The following GPM6A variants were observed in gnomAD, a reference collection of about 807,000 sequenced individuals.
GPM6A encodes glycoprotein M6A.
Under a neutral mutation model 32.1 loss-of-function variants are expected in GPM6A, and 7 were observed. The observed-to-expected ratio is 0.22, with a 90% CI of 0.12 to 0.41. GPM6A has a LOEUF of 0.41. GPM6A is among the 10% of genes least tolerant of loss of function. The pLI, the probability that GPM6A is intolerant of heterozygous loss-of-function variation, is 1.00. For missense variants in GPM6A, 235 were observed against 347.2 expected (o/e 0.68, Z 2.57); for synonymous variants, 130 against 123.4 (o/e 1.05, Z -0.35).
At chr4:175,787,406 T>G in intron 1 of GPM6A, 1 of 1,534,814 alleles carries the variant, frequency 6.5e-7, no homozygotes, top group Non-Finnish European at 8.7e-7. Flanking sequence ...TTCCCTTGAT[T>G]CAAGGGCATA....
At chr4:175,738,875 A>T (rs577700338) in intron 1 of GPM6A, among the ~76,000 whole-genome samples, 2 of 152,172 alleles carry the variant, frequency 1.3e-5, no homozygotes, top group Non-Finnish European at 2.9e-5. Context: ...TATTTGCTTG[A>T]GATATACAAA....
intron 1 of GPM6A, among the ~76,000 whole-genome samples, chr4:175,860,736 T>C (rs1736549557): frequency 6.6e-6 from 1 of 152,178 alleles, no homozygotes; most frequent in Non-Finnish European, 1.5e-5. Flanking sequence ...CATCACTTCA[T>C]GGCCTCTTCC....
intron 2 of GPM6A, among the ~76,000 whole-genome samples, chr4:175,693,298 A>C (rs1003381800): frequency 1.6e-4 from 24 of 148,262 alleles, no homozygotes; most frequent in African/African-American, 5.6e-4. Context: ...ACATATATAT[A>C]TAAAATATAC....
intron 1 of GPM6A, among the ~76,000 whole-genome samples, chr4:175,798,423 CA>C (rs1337953423): frequency 6.6e-6 from 1 of 152,142 alleles, no homozygotes; most frequent in East Asian, 1.9e-4. Context: ...TTATTCAAGA[CA>C]AATAAATATT....
At chr4:175,718,143 T>C (rs1745935527) in intron 1 of GPM6A, among the ~76,000 whole-genome samples, 1 of 152,208 alleles carries the variant, frequency 6.6e-6, no homozygotes, top group Non-Finnish European at 1.5e-5. Flanking sequence ...ATAAAATTAG[T>C]GTTTATATGT....
chr4:175,983,874 C>T (rs547294674), intron 1 of GPM6A, among the ~76,000 whole-genome samples: 7 of 152,180 alleles, frequency 4.6e-5, no homozygotes, highest in Admixed American at 6.5e-5. Context: ...CCTTAAATGG[C>T]GGGTCAGACT....
At chr4:175,940,674 T>A (rs549152150) in intron 1 of GPM6A, among the ~76,000 whole-genome samples, 1 of 152,154 alleles carries the variant, frequency 6.6e-6, no homozygotes, top group African/African-American at 2.4e-5. Context: ...AGTGGTGCGA[T>A]CTCGGCTCAC....
chr4:175,637,707 ATATATAT>A (rs1740858743), intron 6 of GPM6A, among the ~76,000 whole-genome samples: 1 of 59,036 alleles, frequency 1.7e-5, no homozygotes, highest in Non-Finnish European at 2.6e-5. Flanking sequence ...ATTATATATT[ATATATAT>A]TTATATATAA....
At chr4:175,983,005 TG>T (rs1026735632) in intron 1 of GPM6A, among the ~76,000 whole-genome samples, 1 of 152,210 alleles carries the variant, frequency 6.6e-6, no homozygotes, top group Non-Finnish European at 1.5e-5. Flanking sequence ...TTTCATTTTT[TG>T]TGGGAGTCAT....
chr4:175,654,651 GCT>G (rs34266718), intron 3 of GPM6A, among the ~76,000 whole-genome samples: 22,422 of 151,962 alleles, frequency 0.15, 1,939 homozygotes, highest in Non-Finnish European at 0.19. Context: ...TTCAAAATGA[GCT>G]CTCTCTCTAG....
At chr4:175,874,983 A>G (rs1737036982) in intron 1 of GPM6A, among the ~76,000 whole-genome samples, 1 of 152,176 alleles carries the variant, frequency 6.6e-6, no homozygotes, top group East Asian at 1.9e-4. Context: ...GTGTGTGTGT[A>G]TACTGCAACA....
At chr4:175,805,714 C>A (rs1314066679) in intron 1 of GPM6A, among the ~76,000 whole-genome samples, 2 of 152,152 alleles carry the variant, frequency 1.3e-5, no homozygotes, top group Non-Finnish European at 2.9e-5. Context: ...GTTGACATCT[C>A]TTAATACACA....
chr4:175,869,384 C>T (rs115407782), intron 1 of GPM6A, among the ~76,000 whole-genome samples: 347 of 151,944 alleles, frequency 2.3e-3, no homozygotes, highest in African/African-American at 8.0e-3. Context: ...ATAGGACACA[C>T]AAAATAAAAA....
intron 1 of GPM6A, among the ~76,000 whole-genome samples, chr4:175,796,187 C>G (rs1308015020): frequency 1.3e-5 from 2 of 152,074 alleles, no homozygotes; most frequent in Non-Finnish European, 2.9e-5. Flanking sequence ...AGAAGAATGG[C>G]TAGCAACTAG....
chr4:175,990,731 A>G (rs951868390), intron 1 of GPM6A, among the ~76,000 whole-genome samples: 2 of 151,764 alleles, frequency 1.3e-5, no homozygotes, highest in Non-Finnish European at 2.9e-5. Context: ...ATATAATGAG[A>G]TATGTGAATT....
intron 1 of GPM6A, among the ~76,000 whole-genome samples, chr4:175,878,543 T>C (rs1224249447): frequency 6.6e-6 from 1 of 152,128 alleles, no homozygotes; most frequent in Admixed American, 6.5e-5. Context: ...ACCTGAGTGG[T>C]ATCTTGGCCT....
At chr4:175,965,829 G>C (rs1207897669) in intron 1 of GPM6A, among the ~76,000 whole-genome samples, 1 of 152,000 alleles carries the variant, frequency 6.6e-6, no homozygotes, top group Non-Finnish European at 1.5e-5. Context: ...GGCCAGGCTG[G>C]TCTCGAACTC....
intron 4 of GPM6A, chr4:175,641,920 C>A (rs1001028856): frequency 6.6e-6 from 1 of 152,106 alleles, no homozygotes; most frequent in Non-Finnish European, 1.5e-5. Context: ...GACTTCTGAC[C>A]CCAAGTCATC....
intron 1 of GPM6A, among the ~76,000 whole-genome samples, chr4:175,988,023 T>TACC (rs1741031125): frequency 6.6e-6 from 1 of 152,150 alleles, no homozygotes; most frequent in African/African-American, 2.4e-5. Context: ...ATAAATTATA[T>TACC]AGTAGTAGAA....
Sources: gnomAD v4.1 joint callset for allele counts (sites outside exome capture counted in the v4.1 genomes callset) on GRCh38, gnomAD v4.1.1 for gene constraint, MANE v1.5 for transcripts, NCBI Gene and HGNC (gene_info 2026-07-23, HGNC 2026-07-21) for gene names.